Variants in USP32 observed in about 807,000 individuals in gnomAD.
USP32 encodes ubiquitin specific peptidase 32.
A neutral mutation model predicts 204.8 loss-of-function variants in USP32; 59 were observed. The ratio of observed to expected loss-of-function variants is 0.29; its 90% CI spans 0.23 to 0.36. USP32 has a LOEUF of 0.36. Among genes scored for constraint, USP32 ranks in the 10% least tolerant of loss-of-function variants. USP32 has a pLI of 1.00. For synonymous variants in USP32, 517 were observed against 678.4 expected (o/e 0.76, Z 3.70); for missense variants, 1,160 against 1,946.4 (o/e 0.60, Z 7.60).
Position 60,371,253 on chromosome 17 carries a change from TAAAAAA to T in USP32, c.58+20623_58+20628del, listed in dbSNP as rs373242290. On this transcript the variant is annotated intron_variant, in intron 1 of 33. Coordinates refer to ENST00000300896, the MANE Select transcript of USP32 (RefSeq NM_032582.4). ...AGGGGAAGACTCTGTCTCTAAAAAT[TAAAAAA>T]AAAAAAAAAAAAAAAAAAATTAAAT... 5.9e-4 allele frequency among the ~76,000 whole-genome samples: 39 copies of T among 66,276 alleles called. 2 individuals are homozygous for T. The East Asian group carries it at 0.012, about 20-fold the overall frequency. 43.5% of individuals were successfully genotyped at this position (66,276 alleles called of 152,430 possible). A position where few individuals can be genotyped will look rare whatever the true frequency, so the allele number is the denominator to read the frequency against.
chr17:60,416,506 TGTG>T (rs2090063458), intron 1 of USP32, among the ~76,000 whole-genome samples: 1 of 152,056 alleles, frequency 6.6e-6, no homozygotes, highest in South Asian at 2.1e-4. Flanking sequence ...TTAAAAAAAA[TGTG>T]GTGGAGGGAT....
chr17:60,230,005 G>A (rs899790157), intron 12 of USP32, among the ~76,000 whole-genome samples: 5 of 152,114 alleles, frequency 3.3e-5, no homozygotes, highest in African/African-American at 1.2e-4. Context: ...GTGGAGACAG[G>A]GTTTCGCCAC....
At chr17:60,392,700 G>T, upstream of USP32, 1 of 432,154 alleles carries the variant, frequency 2.3e-6, no homozygotes, top group Non-Finnish European at 4.6e-6. Flanking sequence ...CGTTGTGAAA[G>T]GAAAGGAGAA....
chr17:60,193,017 G>T, intron 27 of USP32, 87 bp from the exon 28 acceptor site: 1 of 1,420,374 alleles, frequency 7.0e-7, no homozygotes, highest in Non-Finnish European at 9.8e-7. Flanking sequence ...AGTAACCCTA[G>T]GAAGGGGCAT....
intron 30 of USP32, among the ~76,000 whole-genome samples, chr17:60,184,657 A>T (rs1457965535): frequency 6.6e-6 from 1 of 151,970 alleles, no homozygotes; most frequent in Non-Finnish European, 1.5e-5. Flanking sequence ...AAAAGTACAA[A>T]AATTAGCCGG....
At chr17:60,374,481 TG>T (rs1162179177) in intron 1 of USP32, among the ~76,000 whole-genome samples, 2 of 151,580 alleles carry the variant, frequency 1.3e-5, no homozygotes, top group Non-Finnish European at 2.9e-5. Flanking sequence ...CACCCCAGCC[TG>T]AACCTCCTAG....
intron 33 of USP32, among the ~76,000 whole-genome samples, chr17:60,179,892 G>A (rs1338160610): frequency 1.3e-5 from 2 of 152,110 alleles, no homozygotes; most frequent in African/African-American, 4.8e-5. Context: ...GGATGGTCTC[G>A]ATCTCCTGAC....
At chr17:60,302,541 T>C (rs183758272) in intron 2 of USP32, among the ~76,000 whole-genome samples, 105 of 152,324 alleles carry the variant, frequency 6.9e-4, no homozygotes, top group African/African-American at 2.4e-3. Flanking sequence ...CAACTTACAA[T>C]GGGTTTATCG....
At chr17:60,188,010 T>C (rs2084292679) in intron 29 of USP32, among the ~76,000 whole-genome samples, 1 of 152,184 alleles carries the variant, frequency 6.6e-6, no homozygotes, top group Non-Finnish European at 1.5e-5. Flanking sequence ...AGACAGGTTC[T>C]TGCTCTGTTA....
At chr17:60,403,405 G>C (rs1316213667) in intron 1 of USP32, among the ~76,000 whole-genome samples, 1 of 152,134 alleles carries the variant, frequency 6.6e-6, no homozygotes, top group Admixed American at 6.6e-5. Flanking sequence ...GTTCTGCCCA[G>C]GTTTAAGGGG....
At chr17:60,237,946 G>A (rs1294658275) in intron 11 of USP32, among the ~76,000 whole-genome samples, 1 of 152,172 alleles carries the variant, frequency 6.6e-6, no homozygotes, top group Non-Finnish European at 1.5e-5. Flanking sequence ...ATATTTAGAA[G>A]TAGAATTGCT....
intron 1 of USP32, among the ~76,000 whole-genome samples, chr17:60,380,286 G>C (rs1369185025): frequency 1.3e-5 from 2 of 152,182 alleles, no homozygotes; most frequent in Non-Finnish European, 2.9e-5. Flanking sequence ...TAGAAAAGAA[G>C]CTAGGTGCAG....
At chr17:60,227,279 T>C (rs1402036581) in intron 12 of USP32, among the ~76,000 whole-genome samples, 2 of 147,970 alleles carry the variant, frequency 1.4e-5, no homozygotes, top group Middle Eastern at 3.4e-3. Context: ...TTCTTTTTTT[T>C]TTTTTTTTGA....
At chr17:60,347,643 G>A (rs1207007269) in intron 1 of USP32, among the ~76,000 whole-genome samples, 5 of 150,654 alleles carry the variant, frequency 3.3e-5, no homozygotes, top group African/African-American at 1.2e-4. Flanking sequence ...GTGAGCCACC[G>A]CGCCCGGCCT....
chr17:60,372,543 TAAA>T (rs78554998), intron 1 of USP32, among the ~76,000 whole-genome samples: 1 of 121,934 alleles, frequency 8.2e-6, no homozygotes. Context: ...GCCTTAAAGA[TAAA>T]AAAAAAAAAA....
intron 28 of USP32, among the ~76,000 whole-genome samples, chr17:60,191,872 C>T (rs932942623): frequency 2.0e-5 from 3 of 152,162 alleles, no homozygotes; most frequent in Admixed American, 6.5e-5. Flanking sequence ...ACTTTAGTAT[C>T]ATTAGGCACT....
chr17:60,279,710 G>A (rs1332918061), intron 5 of USP32, among the ~76,000 whole-genome samples: 3 of 150,994 alleles, frequency 2.0e-5, no homozygotes, highest in Admixed American at 6.6e-5. Context: ...GGTGGTGTGC[G>A]CCTGTAGTCC....
chr17:60,413,321 G>A (rs2090033030), intron 1 of USP32, among the ~76,000 whole-genome samples: 3 of 152,036 alleles, frequency 2.0e-5, no homozygotes, highest in Non-Finnish European at 4.4e-5. Context: ...AGAAAGTGAG[G>A]ACTTTGTTGC....
At chr17:60,364,442 C>T (rs1002451444) in intron 1 of USP32, among the ~76,000 whole-genome samples, 11 of 152,192 alleles carry the variant, frequency 7.2e-5, no homozygotes, top group African/African-American at 2.2e-4. Flanking sequence ...TGCGGTGGCG[C>T]GATGTCCACT....
Sources: allele counts gnomAD v4.1 joint callset (sites outside exome capture counted in the v4.1 genomes callset), GRCh38; gene constraint gnomAD v4.1.1; transcripts MANE v1.5; gene names NCBI Gene and HGNC (gene_info 2026-07-23, HGNC 2026-07-21).